The following PTCHD4 variants were observed in gnomAD, a reference collection of about 807,000 sequenced individuals.
PTCHD4 encodes the protein patched domain-containing protein 4.
PTCHD4 carries 33 observed loss-of-function variants against 58.1 expected under a neutral mutation model. The observed-to-expected ratio is 0.57, with a 90% CI of 0.43 to 0.76. The LOEUF (loss-of-function observed/expected upper bound fraction) is 0.76. Ranked by LOEUF, PTCHD4 falls within the 30% of genes least tolerant of loss-of-function variation. The pLI is 0.00. For synonymous variants in PTCHD4, 478 were observed against 409.6 expected (o/e 1.17, Z -2.02); for missense variants, 1,058 against 1,027.1 (o/e 1.03, Z -0.41).
intron 4 of PTCHD4, among the ~76,000 whole-genome samples, chr6:47,931,998 CA>C (rs1458757386): frequency 2.0e-5 from 3 of 152,162 alleles, no homozygotes; most frequent in African/African-American, 7.2e-5. Flanking sequence ...TATAATGCTG[CA>C]AAACCTAAGA....
At chr6:47,893,168 G>T (rs917959007) in intron 4 of PTCHD4, among the ~76,000 whole-genome samples, 3 of 152,094 alleles carry the variant, frequency 2.0e-5, no homozygotes, top group African/African-American at 7.2e-5. Context: ...GTGCCACCAC[G>T]CCCAGCTAAT....
intron 4 of PTCHD4, among the ~76,000 whole-genome samples, chr6:47,923,371 C>T (rs1765493935): frequency 6.6e-6 from 1 of 152,128 alleles, no homozygotes; most frequent in South Asian, 2.1e-4. Context: ...CTACTCTTTC[C>T]ACCAACACAA....
chr6:47,883,596 A>T (rs1457736436), intron 4 of PTCHD4, among the ~76,000 whole-genome samples: 1 of 152,204 alleles, frequency 6.6e-6, no homozygotes, highest in Non-Finnish European at 1.5e-5. Flanking sequence ...TGTGTATAGT[A>T]TCAATGGAAT....
intron 4 of PTCHD4, among the ~76,000 whole-genome samples, chr6:47,960,304 A>G (rs1767031200): frequency 6.6e-6 from 1 of 152,156 alleles, no homozygotes; most frequent in African/African-American, 2.4e-5. Flanking sequence ...AAAGGGAACA[A>G]AGAAAAGATG....
chr6:47,925,045 C>T (rs1174014074), intron 4 of PTCHD4, among the ~76,000 whole-genome samples: 1 of 148,864 alleles, frequency 6.7e-6, no homozygotes, highest in Non-Finnish European at 1.5e-5. Context: ...ATATGTATAG[C>T]GCTTACAACC....
At chr6:48,025,396 C>A (rs989986847) in intron 3 of PTCHD4, among the ~76,000 whole-genome samples, 1 of 152,134 alleles carries the variant, frequency 6.6e-6, no homozygotes, top group African/African-American at 2.4e-5. Flanking sequence ...AAGCTACAGG[C>A]ACAAAAATAT....
At chr6:48,063,117 T>C (rs2113871634) in intron 3 of PTCHD4, among the ~76,000 whole-genome samples, 1 of 152,304 alleles carries the variant, frequency 6.6e-6, no homozygotes, top group Non-Finnish European at 1.5e-5. Flanking sequence ...ATACTCAAGC[T>C]TCTTTGGCAC....
chr6:48,023,495 G>A (rs1763137615), intron 3 of PTCHD4, among the ~76,000 whole-genome samples: 1 of 152,150 alleles, frequency 6.6e-6, no homozygotes, highest in Non-Finnish European at 1.5e-5. Context: ...TAGCCCTGGA[G>A]AGCTTAACTG....
rs550190767 is a variant in PTCHD4 at position 48,060,125 on chromosome 6, A to T, written c.417+8105T>A. 2.1e-4 allele frequency among the ~76,000 whole-genome samples: 32 copies of T among 152,294 alleles called. 1 individual carries two copies. Among genetic ancestry groups the T allele is most frequent in the African/African-American group, 7.7e-4 (32 of 41,554 alleles). ...TGTCTCACTGAATCTCCAGTGGCCA[A>T]CACATTGCATGTGACTTAGCAGACA... On this transcript the variant is annotated intron_variant, in intron 3 of 4. Coordinates refer to ENST00000339488, the MANE Select transcript of PTCHD4 (RefSeq NM_001384253.1).
At chr6:47,949,051 T>C (rs1766522305) in intron 4 of PTCHD4, among the ~76,000 whole-genome samples, 1 of 152,186 alleles carries the variant, frequency 6.6e-6, no homozygotes, top group African/African-American at 2.4e-5. Context: ...AATAAATGAA[T>C]ACACAACTAA....
At chr6:47,996,990 GC>G (rs748576224) in intron 4 of PTCHD4, among the ~76,000 whole-genome samples, 3 of 152,182 alleles carry the variant, frequency 2.0e-5, no homozygotes, top group Non-Finnish European at 4.4e-5. Flanking sequence ...CTTATTATTT[GC>G]CCCGCATTGT....
At chr6:47,964,772 T>A (rs564276761) in intron 4 of PTCHD4, among the ~76,000 whole-genome samples, 2 of 152,330 alleles carry the variant, frequency 1.3e-5, no homozygotes, top group African/African-American at 4.8e-5. Context: ...CACATTCTGT[T>A]TAACAGTGTA....
intron 4 of PTCHD4, among the ~76,000 whole-genome samples, chr6:47,982,074 T>A (rs1444500442): frequency 6.6e-6 from 1 of 152,196 alleles, no homozygotes; most frequent in African/African-American, 2.4e-5. Flanking sequence ...TGTCAAAATA[T>A]CTCCAGCCTG....
intron 4 of PTCHD4, among the ~76,000 whole-genome samples, chr6:47,956,663 G>C (rs529741712): frequency 1.3e-5 from 2 of 152,148 alleles, no homozygotes; most frequent in Admixed American, 6.5e-5. Flanking sequence ...TTGATCTCCT[G>C]ACCTCGCGAT....
At chr6:48,099,471 G>A (rs114404498) in intron 1 of PTCHD4, among the ~76,000 whole-genome samples, 25 of 152,270 alleles carry the variant, frequency 1.6e-4, no homozygotes, top group Admixed American at 4.6e-4. Flanking sequence ...CATGAGAGAC[G>A]CAGATGAGAG....
chr6:48,021,123 A>G (rs1763054026), intron 3 of PTCHD4, among the ~76,000 whole-genome samples: 1 of 152,064 alleles, frequency 6.6e-6, no homozygotes, highest in African/African-American at 2.4e-5. Flanking sequence ...AAAAAATCCT[A>G]TTTTTAAAAA....
At chr6:47,944,875 C>A (rs1260417654) in intron 4 of PTCHD4, among the ~76,000 whole-genome samples, 1 of 152,044 alleles carries the variant, frequency 6.6e-6, no homozygotes, top group Non-Finnish European at 1.5e-5. Flanking sequence ...TGAAGAGAAG[C>A]ACTGAGAAAT....
intron 4 of PTCHD4, among the ~76,000 whole-genome samples, chr6:47,979,232 G>GTT (rs1276059715): frequency 3.9e-5 from 6 of 152,036 alleles, no homozygotes; most frequent in Admixed American, 3.9e-4. Context: ...ATGACGGAGT[G>GTT]TTTTATATCT....
chr6:47,928,781 A>G (rs901439023), intron 4 of PTCHD4, among the ~76,000 whole-genome samples: 1 of 150,966 alleles, frequency 6.6e-6, no homozygotes, highest in Non-Finnish European at 1.5e-5. Flanking sequence ...TGTCTTGATC[A>G]TCTTTGTCCT....
Sources: gnomAD v4.1 joint callset for allele counts (sites outside exome capture counted in the v4.1 genomes callset) on GRCh38, gnomAD v4.1.1 for gene constraint, MANE v1.5 for transcripts, NCBI Gene and HGNC (gene_info 2026-07-23, HGNC 2026-07-21) for gene names.